The following SLC44A5 variants were observed in gnomAD, a reference collection of about 807,000 sequenced individuals.
The protein encoded by SLC44A5 is solute carrier family 44 member 5.
Under a neutral mutation model 101.8 loss-of-function variants are expected in SLC44A5, and 57 were observed. The observed-to-expected ratio is 0.56, with a 90% CI of 0.45 to 0.70. SLC44A5 has a LOEUF of 0.70. Among genes scored for constraint, SLC44A5 ranks in the 30% least tolerant of loss-of-function variants. SLC44A5 has a pLI of 0.00. For synonymous variants in SLC44A5, 281 were observed against 290.9 expected (o/e 0.97, Z 0.35); for missense variants, 737 against 853.1 (o/e 0.86, Z 1.70).
chr1:75,217,877 T>C lies in SLC44A5; in HGVS notation c.1613A>G (p.His538Arg). 6.3e-7 allele frequency: 1 copy of C among 1,585,386 alleles called. No individual in the cohort carries two copies. Among genetic ancestry groups the C allele is most frequent in the Non-Finnish European group, 8.7e-7 (1 of 1,154,350 alleles). The change falls in exon 18 of 24, where the codon CAC becomes CGC. Residue 538 changes from histidine to arginine, a missense_variant. This residue lies in a region of SLC44A5 where 665 missense variants were observed against 764.4 expected (regional missense o/e 0.87). Coordinates refer to ENST00000370859, the MANE Select transcript of SLC44A5 (RefSeq NM_001130058.2). Reference sequence around the variant, plus strand: ...ATCTGAAATCTTACGTTTAAGACGGTGGTCCAAGTATTCTAGTACAATTTT... The same window carrying C: ...ATCTGAAATCTTACGTTTAAGACGGCGGTCCAAGTATTCTAGTACAATTTT... ...MFKIVLEYLD[H>R]RLKRTQNTLS...
chr1:75,453,085 A>G (rs1035494851), intron 2 of SLC44A5, among the ~76,000 whole-genome samples: 1 of 152,154 alleles, frequency 6.6e-6, no homozygotes, highest in African/African-American at 2.4e-5. Flanking sequence ...CACAGAATAT[A>G]TATTCTTCTC....
chr1:75,688,525 T>C, the SLC44A5 span, among the ~76,000 whole-genome samples: 1 of 152,118 alleles, frequency 6.6e-6, no homozygotes, highest in African/African-American at 2.4e-5. Context: ...ATTCCCAAGT[T>C]TTACTTGATA....
intron 4 of SLC44A5, among the ~76,000 whole-genome samples, chr1:75,327,481 A>T (rs1656689662): frequency 6.6e-6 from 1 of 152,218 alleles, no homozygotes; most frequent in South Asian, 2.1e-4. Flanking sequence ...TTATAAGGCT[A>T]GCAGTGAAAA....
intron 12 of SLC44A5, 48 bp downstream of exon 12, chr1:75,233,938 A>T (rs1456349453): frequency 1.5e-6 from 2 of 1,348,674 alleles, no homozygotes; most frequent in African/African-American, 2.9e-5. Flanking sequence ...GATTGAAAAT[A>T]AAAGGATTAT....
At chr1:75,223,235 C>G (rs1647126039) in intron 13 of SLC44A5, among the ~76,000 whole-genome samples, 1 of 152,154 alleles carries the variant, frequency 6.6e-6, no homozygotes, top group East Asian at 1.9e-4. Flanking sequence ...TGAAGTCCAG[C>G]TACCTTTCTG....
At chr1:75,434,592 C>T (rs17584530) in intron 2 of SLC44A5, among the ~76,000 whole-genome samples, 29,305 of 152,078 alleles carry the variant, frequency 0.19, 3,084 homozygotes, top group Non-Finnish European at 0.24. Flanking sequence ...ATGACTCTTG[C>T]TGCAGAATAA....
At chr1:75,273,808 T>C (rs1162916364) in intron 6 of SLC44A5, among the ~76,000 whole-genome samples, 1 of 152,184 alleles carries the variant, frequency 6.6e-6, no homozygotes, top group Non-Finnish European at 1.5e-5. Context: ...TTTGCATCTA[T>C]GTTCATTAAG....
intron 5 of SLC44A5, among the ~76,000 whole-genome samples, chr1:75,297,560 T>C (rs1654059818): frequency 6.6e-6 from 1 of 152,168 alleles, no homozygotes; most frequent in African/African-American, 2.4e-5. Context: ...GCTGGGGTTA[T>C]AGGCATGAGC....
chr1:75,562,421 G>A (rs1672567419), intron 1 of SLC44A5, among the ~76,000 whole-genome samples: 1 of 152,094 alleles, frequency 6.6e-6, no homozygotes, highest in Admixed American at 6.6e-5. Context: ...TTTTAGGCCA[G>A]GTGCAGTGGT....
intron 2 of SLC44A5, among the ~76,000 whole-genome samples, chr1:75,447,767 T>C (rs937547748): frequency 6.6e-6 from 1 of 152,174 alleles, no homozygotes; most frequent in Non-Finnish European, 1.5e-5. Flanking sequence ...ATTTGCACCT[T>C]GTTTGTTGAA....
At chr1:75,427,031 C>T (rs1407015953) in intron 2 of SLC44A5, among the ~76,000 whole-genome samples, 1 of 152,180 alleles carries the variant, frequency 6.6e-6, no homozygotes, top group Non-Finnish European at 1.5e-5. Context: ...CCAGCATCCC[C>T]AGCAGCCCTG....
the SLC44A5 span, among the ~76,000 whole-genome samples, chr1:75,651,347 C>G: frequency 6.6e-6 from 1 of 152,184 alleles, no homozygotes; most frequent in Non-Finnish European, 1.5e-5. Context: ...ACAGCAGAGG[C>G]AGCTAATTTA....
chr1:75,519,290 G>T (rs185931670), intron 2 of SLC44A5, among the ~76,000 whole-genome samples: 3 of 152,212 alleles, frequency 2.0e-5, no homozygotes, highest in African/African-American at 7.2e-5. Flanking sequence ...AGGTGTGGTG[G>T]CTCACGCCTG....
the SLC44A5 span, among the ~76,000 whole-genome samples, chr1:75,697,573 A>C: frequency 2.0e-5 from 3 of 152,130 alleles, no homozygotes; most frequent in Non-Finnish European, 4.4e-5. Context: ...GATCACTTGA[A>C]CTTAGGAGTT....
chr1:75,398,904 T>C (rs1662299955), intron 2 of SLC44A5, among the ~76,000 whole-genome samples: 2 of 151,960 alleles, frequency 1.3e-5, no homozygotes, highest in African/African-American at 4.8e-5. Flanking sequence ...TGGAATCTAG[T>C]GTGAGAGAAG....
chr1:75,209,862 T>G (rs1488953880), intron 23 of SLC44A5, among the ~76,000 whole-genome samples: 1 of 152,092 alleles, frequency 6.6e-6, no homozygotes, highest in Non-Finnish European at 1.5e-5. Context: ...TTAAGGGCAA[T>G]GTGCTAGAGA....
At chr1:75,504,797 C>T (rs1251494435) in intron 2 of SLC44A5, among the ~76,000 whole-genome samples, 1 of 152,084 alleles carries the variant, frequency 6.6e-6, no homozygotes, top group Non-Finnish European at 1.5e-5. Context: ...GGAAATACCG[C>T]TCTATCCCCC....
chr1:75,309,912 C>G (rs772443558), intron 4 of SLC44A5, among the ~76,000 whole-genome samples: 4 of 152,098 alleles, frequency 2.6e-5, no homozygotes, highest in Non-Finnish European at 5.9e-5. Context: ...CAAAGTAGTA[C>G]GAAAATTCTT....
At chr1:75,351,562 T>G (rs925811236) in intron 3 of SLC44A5, among the ~76,000 whole-genome samples, 5 of 151,932 alleles carry the variant, frequency 3.3e-5, no homozygotes, top group Non-Finnish European at 7.4e-5. Flanking sequence ...TATTTTTACG[T>G]TATTGGAAGC....
Sources: allele counts gnomAD v4.1 joint callset (sites outside exome capture counted in the v4.1 genomes callset), GRCh38; gene constraint gnomAD v4.1.1; regional missense constraint gnomAD v4.1.1; transcripts MANE v1.5; gene names NCBI Gene and HGNC (gene_info 2026-07-23, HGNC 2026-07-21).